Variants in QTRT1 observed in about 807,000 individuals in gnomAD.
The protein encoded by QTRT1 is queuine tRNA-ribosyltransferase catalytic subunit 1, also known as TGT, 43-KD subunit.
QTRT1 carries 41 observed loss-of-function variants against 44.0 expected under a neutral mutation model. The observed-to-expected ratio is 0.93, with a 90% CI of 0.73 to 1.21. The LOEUF is 1.21. Ranked by LOEUF, QTRT1 falls within the 50% of genes most tolerant of loss-of-function variation. The probability of loss-of-function intolerance (pLI) is 0.00; values close to 1 mark genes in which losing one functional copy is unlikely to be tolerated. For missense variants in QTRT1, 542 were observed against 575.8 expected, an observed-to-expected ratio of 0.94 and a Z score of 0.60; for synonymous variants, 226 against 237.1, an observed-to-expected ratio of 0.95 and a Z score of 0.43.
rs1397971597 is a variant in QTRT1 at position 10,712,125 on chromosome 19, C to T, written c.647-36C>T. On this transcript the variant is annotated intron_variant, in intron 5 of 9. Transcript: ENST00000250237. This position sits in a 1 kb window ranked among gnomAD's most constrained non-coding sequence, Gnocchi z 5.6. ...TGGGATTGAAGACCAGGCGCATTTC[C>T]TCTTCTGTGGCCCTCACCTTACCCT... The T allele has an allele frequency of 2.5e-6, 4 of 1,610,296 alleles. No homozygotes were observed. The highest frequency in any genetic ancestry group is 4.5e-5 in the East Asian group (2 of 44,894).
At chr19:10,709,738 A>G (rs950061568) in intron 5 of QTRT1, among the ~76,000 whole-genome samples, 2 of 152,072 alleles carry the variant, frequency 1.3e-5, no homozygotes, top group Non-Finnish European at 2.9e-5. Flanking sequence ...AGTCTCAGCT[A>G]CTCGGGAGGC....
At chr19:10,705,930 A>G (rs1197721281) in intron 3 of QTRT1, among the ~76,000 whole-genome samples, 2 of 128,560 alleles carry the variant, frequency 1.6e-5, no homozygotes, top group African/African-American at 3.0e-5. Context: ...ATCTCGGCTC[A>G]CTGCAAGCTT....
At chr19:10,702,653 TA>T (rs889537987) in intron 3 of QTRT1, among the ~76,000 whole-genome samples, 15 of 142,082 alleles carry the variant, frequency 1.1e-4, no homozygotes, top group African/African-American at 3.6e-4. Context: ...AAATAAAAAA[TA>T]AAAAATAAAA....
At chr19:10,706,455 C>T (rs2068713941) in intron 3 of QTRT1, among the ~76,000 whole-genome samples, 1 of 152,148 alleles carries the variant, frequency 6.6e-6, no homozygotes, top group African/African-American at 2.4e-5. Context: ...TCACCGCAAC[C>T]TCCGTCTTCC....
Position 10,713,070 on chromosome 19 carries a change from G to A in QTRT1, c.1059+30G>A, listed in dbSNP as rs994569786. The A allele has an allele frequency of 1.2e-6, 2 of 1,609,102 alleles. No individual in the cohort carries two copies. Among genetic ancestry groups the A allele is most frequent in the African/African-American group, 1.3e-5 (1 of 74,942 alleles). ...GCCAGTGCCCGGGGCAAGGTGGGCG[G>A]GGGTGTCCTAGGTGCGTATGCCCCA... On this transcript the variant is annotated intron_variant, in intron 9 of 9. Transcript: ENST00000250237. The surrounding 1 kb of genome is among the most constrained non-coding windows in gnomAD (Gnocchi z 4.3).
chr19:10,709,053 C>T (rs2068727335), intron 5 of QTRT1: 1 of 152,362 alleles, frequency 6.6e-6, no homozygotes, highest in African/African-American at 2.4e-5. Context: ...GCTTGAGCCA[C>T]TGCACCTGGC....
chr19:10,707,436 C>CT, intron 4 of QTRT1, 56 bp downstream of exon 4: 1 of 1,610,470 alleles, frequency 6.2e-7, no homozygotes, highest in Non-Finnish European at 8.5e-7. Flanking sequence ...ATCCTGGTCC[C>CT]TGTAGCCTTG....
At position 10,713,058 on chromosome 19, in the gene QTRT1, G is replaced by A; in HGVS notation, c.1059+18G>A. ...CCTACCAGGTGAGCCAGTGCCCGGG[G>A]CAAGGTGGGCGGGGGTGTCCTAGGT... On this transcript the variant is annotated intron_variant, in intron 9 of 9. Transcript: ENST00000250237. The surrounding 1 kb of genome is among the most constrained non-coding windows in gnomAD (Gnocchi z 4.3). 1 of 1,609,816 alleles carries A rather than the reference G, an allele frequency of 6.2e-7. No individual in the cohort carries two copies. The highest frequency in any genetic ancestry group is 1.3e-5 in the African/African-American group (1 of 75,046).
intron 3 of QTRT1, among the ~76,000 whole-genome samples, chr19:10,702,660 TAA>T (rs529135076): frequency 7.1e-6 from 1 of 141,218 alleles, no homozygotes; most frequent in Non-Finnish European, 1.6e-5. Flanking sequence ...AAATAAAAAA[TAA>T]AAAAAACAAA....
At chr19:10,710,412 T>A (rs892710875) in intron 5 of QTRT1, among the ~76,000 whole-genome samples, 2 of 151,814 alleles carry the variant, frequency 1.3e-5, no homozygotes, top group African/African-American at 4.8e-5. Context: ...TGCCTTCTGG[T>A]TTCAAGCGAT....
At position 10,707,492 on chromosome 19, in the gene QTRT1, T is replaced by G; in HGVS notation, c.531-8T>G. ...CCCCTGGGGCTTGTGACTGGGGCCC[T>G]GTTGCAGGTCAATCCGCTGGCTGGA... On this transcript the variant is annotated splice_polypyrimidine_tract_variant and splice_region_variant and intron_variant, in intron 4 of 9. Transcript: ENST00000250237. 6.2e-7 allele frequency: 1 copy of G among 1,610,850 alleles called. No homozygotes were observed. Among genetic ancestry groups the G allele is most frequent in the Non-Finnish European group, 8.5e-7 (1 of 1,177,528 alleles).
intron 3 of QTRT1, among the ~76,000 whole-genome samples, chr19:10,704,340 CTG>C (rs1216568862): frequency 6.6e-6 from 1 of 152,192 alleles, no homozygotes; most frequent in Non-Finnish European, 1.5e-5. Context: ...GTCTCCCAGG[CTG>C]GAGTGCGGTG....
intron 5 of QTRT1, among the ~76,000 whole-genome samples, chr19:10,708,787 C>T (rs1277305250): frequency 5.3e-5 from 7 of 132,900 alleles, no homozygotes; most frequent in East Asian, 4.4e-4. Context: ...TTTTTTGAGA[C>T]GGAGTTTCGC....
intron 3 of QTRT1, 132 bp downstream of exon 3, chr19:10,702,386 A>C (rs2068694275): frequency 1.0e-6 from 1 of 955,586 alleles, no homozygotes. Flanking sequence ...AACCAACTCA[A>C]AGCGGGGGTA....
Position 10,713,209 on chromosome 19 carries a change from C to T in QTRT1, c.1151C>T (p.Pro384Leu). ...RDFMGAMYGD[P>L]TLCPTWATDA... is the part of the protein sequence containing the mutation. Reference sequence around the variant, plus strand: ...TTCATGGGCGCCATGTACGGGGATCCCACCCTCTGTCCCACCTGGGCCACT... The same window carrying T: ...TTCATGGGCGCCATGTACGGGGATCTCACCCTCTGTCCCACCTGGGCCACT... Residue 384 changes from proline (P) to leucine (L), a missense_variant, in exon 10 of 10, where the codon CCC (proline) becomes CTC (leucine). Coordinates refer to ENST00000250237, the MANE Select transcript of QTRT1 (RefSeq NM_031209.3). The surrounding 1 kb of genome is among the most constrained non-coding windows in gnomAD (Gnocchi z 4.3). The T allele has an allele frequency of 6.2e-7, 1 of 1,607,916 alleles. No individual in the cohort carries two copies. Among genetic ancestry groups the T allele is most frequent in the Non-Finnish European group, 8.5e-7 (1 of 1,177,172 alleles).
At chr19:10,709,992 CAG>C (rs1241257691) in intron 5 of QTRT1, among the ~76,000 whole-genome samples, 1 of 152,000 alleles carries the variant, frequency 6.6e-6, no homozygotes, top group Non-Finnish European at 1.5e-5. Flanking sequence ...GCCTGGGCGA[CAG>C]AGCAAGAATC....
At position 10,707,461 on chromosome 19, in the gene QTRT1, A is replaced by T. The variant is rs777101598; in HGVS notation, c.531-39A>T. ...CTGTAGCCTTGTCTCCTACCCCCTCACCAGGCCCCTGGGGCTTGTGACTGG... is the reference window on the plus strand; with the variant it reads ...CTGTAGCCTTGTCTCCTACCCCCTCTCCAGGCCCCTGGGGCTTGTGACTGG... On this transcript the variant is annotated intron_variant, in intron 4 of 9. Transcript: ENST00000250237. The T allele has an allele frequency of 1.9e-6, 3 of 1,609,912 alleles. No individual in the cohort carries two copies. The African/African-American group carries it at 4.0e-5, about 22-fold the overall frequency.
At chr19:10,702,741 C>T (rs1394083466) in intron 3 of QTRT1, among the ~76,000 whole-genome samples, 1 of 150,294 alleles carries the variant, frequency 6.7e-6, no homozygotes, top group African/African-American at 2.4e-5. Context: ...AGGCTTCTCC[C>T]ATATCCTCAA....
Position 10,712,543 on chromosome 19 carries a change from G to T in QTRT1, c.786-10G>T. 1 of 1,613,250 alleles carries T rather than the reference G, an allele frequency of 6.2e-7. No individual in the cohort carries two copies. The highest frequency in any genetic ancestry group is 8.5e-7 in the Non-Finnish European group (1 of 1,179,332). On this transcript the variant is annotated splice_polypyrimidine_tract_variant and intron_variant, in intron 6 of 9. Coordinates refer to ENST00000250237, the MANE Select transcript of QTRT1 (RefSeq NM_031209.3). The surrounding 1 kb of genome is among the most constrained non-coding windows in gnomAD (Gnocchi z 5.6). ...TTCTCTGCCCCCTCCCGTCATGGCT[G>T]CAACCCCAGCTATGCCACTGATCTG...
Sources: allele counts gnomAD v4.1 joint callset (sites outside exome capture counted in the v4.1 genomes callset), GRCh38; gene constraint gnomAD v4.1.1; non-coding constraint Gnocchi (gnomAD v3.1); transcripts MANE v1.5; gene names NCBI Gene and HGNC (gene_info 2026-07-23, HGNC 2026-07-21).